Variants in CTIF observed in about 807,000 individuals in gnomAD.
The protein encoded by CTIF is cap binding complex dependent translation initiation factor.
In CTIF, 21 loss-of-function variants were observed where a neutral mutation model predicts 66.0. The ratio of observed to expected loss-of-function variants is 0.32; its 90% CI spans 0.23 to 0.46. CTIF has a LOEUF of 0.46. Among genes scored for constraint, CTIF ranks in the 20% least tolerant of loss-of-function variants. CTIF has a pLI of 1.00. For synonymous variants in CTIF, 345 were observed against 326.4 expected (o/e 1.06, Z -0.62); for missense variants, 739 against 812.7 (o/e 0.91, Z 1.10).
chr18:48,647,723 G>A (rs2091072804), intron 3 of CTIF, among the ~76,000 whole-genome samples: 1 of 152,234 alleles, frequency 6.6e-6, no homozygotes, highest in Non-Finnish European at 1.5e-5. Flanking sequence ...ACTGTTTTTA[G>A]GGGGCAAGGG....
chr18:48,746,772 C>T (rs928359627), intron 7 of CTIF, among the ~76,000 whole-genome samples: 2 of 152,008 alleles, frequency 1.3e-5, no homozygotes, highest in African/African-American at 4.8e-5. Flanking sequence ...AGCTGAGTTC[C>T]CCTGCAGTCT....
At position 48,730,511 on chromosome 18, in the gene CTIF, TTCTGCGGTGTGAGGGGCC is replaced by T. The variant is rs1598940233; in HGVS notation, c.584+18817_584+18834del. ...GAGGGGCTTCTGCGGTGTGAGGGGCTTCTGCGGTGTGAGGGGCCCCTGTGGTGTGAGGGGCTTCTGCTG... is the reference window on the plus strand; with the variant it reads ...GAGGGGCTTCTGCGGTGTGAGGGGCTCCTGTGGTGTGAGGGGCTTCTGCTG... On this transcript the variant is annotated intron_variant, in intron 7 of 11. Transcript: ENST00000256413. 1.6e-4 allele frequency among the ~76,000 whole-genome samples: 9 copies of T among 55,666 alleles called. 3 individuals are homozygous for T. Among genetic ancestry groups the T allele is most frequent in the South Asian group, 8.7e-4 (1 of 1,152 alleles). The allele number at this position is 55,666 out of a possible 152,430, so 36.5% of individuals were successfully genotyped here.
intron 6 of CTIF, among the ~76,000 whole-genome samples, chr18:48,698,050 A>C (rs192099774): frequency 1.2e-3 from 163 of 135,370 alleles, no homozygotes; most frequent in African/African-American, 4.4e-3. Context: ...ACTGCAGGGC[A>C]ACTCTCTACT....
intron 1 of CTIF, among the ~76,000 whole-genome samples, chr18:48,564,306 G>C (rs2089231761): frequency 6.6e-6 from 1 of 152,152 alleles, no homozygotes; most frequent in African/African-American, 2.4e-5. Context: ...GTGGGTGGTG[G>C]AGGGAGCTTC....
chr18:48,790,363 C>T lies in CTIF; in HGVS notation c.1372-26858C>T, dbSNP rs570500785. Among the ~76,000 whole-genome samples, 40 of 152,302 alleles carry T rather than the reference C, an allele frequency of 2.6e-4. No homozygotes were observed. In the South Asian group the frequency reaches 3.5e-3, roughly 13 times the overall value. ...AAAGGTCCATGGCAAGGAGTTACAG[C>T]GGTGCTTCTTGGGCCATGGGAGAAG... On this transcript the variant is annotated intron_variant, in intron 9 of 11. Coordinates refer to ENST00000256413, the MANE Select transcript of CTIF (RefSeq NM_014772.3).
intron 6 of CTIF, among the ~76,000 whole-genome samples, chr18:48,706,397 C>T (rs1405401936): frequency 1.3e-5 from 2 of 152,072 alleles, no homozygotes; most frequent in African/African-American, 4.8e-5. Context: ...GGAGGTGTGT[C>T]ACTCCTATCA....
intron 3 of CTIF, among the ~76,000 whole-genome samples, chr18:48,652,604 CA>C (rs2091177037): frequency 6.6e-6 from 1 of 151,600 alleles, no homozygotes; most frequent in Non-Finnish European, 1.5e-5. Flanking sequence ...AATCGAAAAA[CA>C]GGGAATCCTC....
rs2088563012 is a variant in CTIF, at chr18:48,539,828, C to T, written c.-29+516C>T. The T allele has an allele frequency of 3.3e-5, 5 of 152,558 alleles. No individual in the cohort carries two copies. In the South Asian group the frequency reaches 1.0e-3, roughly 32 times the overall value. 9.5% of individuals were successfully genotyped at this position (152,558 alleles called of 1,614,324 possible). ...TGCAGCTGTTCAGACCGCGCTCCGCCGAGGTAGGGAGCCCGTCTCGGGGTG... is the reference window on the plus strand; with the variant it reads ...TGCAGCTGTTCAGACCGCGCTCCGCTGAGGTAGGGAGCCCGTCTCGGGGTG... On this transcript the variant is annotated intron_variant, in intron 1 of 11. Coordinates refer to ENST00000256413, the MANE Select transcript of CTIF (RefSeq NM_014772.3).
In CTIF at chr18:48,663,778, C is replaced by T. The variant is rs1297567683; in HGVS notation, c.279C>T (p.Asp93=). 6 of 1,614,028 alleles carry T rather than the reference C, an allele frequency of 3.7e-6. No homozygotes were observed. In the African/African-American group the frequency reaches 6.7e-5, roughly 18 times the overall value. The change falls in exon 4 of 12, where the codon GAC becomes GAT. Residue 93 remains aspartate (D), a synonymous_variant. Coordinates refer to ENST00000256413, the MANE Select transcript of CTIF (RefSeq NM_014772.3). ...ATGGCAGCAAAGACAACTCTCTGGA[C>T]ATGCTGGGCACGGACATCTGGGCGG... ...QQNGSKDNSL[D]MLGTDIWAAN...
At chr18:48,657,977 A>G (rs913871805) in intron 3 of CTIF, among the ~76,000 whole-genome samples, 5 of 151,890 alleles carry the variant, frequency 3.3e-5, no homozygotes, top group Non-Finnish European at 7.4e-5. Flanking sequence ...TGGGAGAGAG[A>G]GGTGGGTCTG....
At chr18:48,814,682 C>G (rs2068325759) in intron 9 of CTIF, among the ~76,000 whole-genome samples, 1 of 152,204 alleles carries the variant, frequency 6.6e-6, no homozygotes, top group African/African-American at 2.4e-5. Context: ...TTGGCAGGCC[C>G]TGGGGTGGCA....
chr18:48,741,720 C>T (rs191438886), intron 7 of CTIF, among the ~76,000 whole-genome samples: 305 of 152,226 alleles, frequency 2.0e-3, no homozygotes, highest in African/African-American at 7.2e-3. Flanking sequence ...CCACCATGCC[C>T]GGCCGACCAA....
intron 3 of CTIF, among the ~76,000 whole-genome samples, chr18:48,645,977 A>G (rs1271166651): frequency 1.3e-5 from 2 of 152,244 alleles, no homozygotes; most frequent in Non-Finnish European, 2.9e-5. Context: ...ATGAGCTAAC[A>G]TGAAAATGTC....
At chr18:48,790,433 A>G (rs1268604262) in intron 9 of CTIF, among the ~76,000 whole-genome samples, 4 of 152,216 alleles carry the variant, frequency 2.6e-5, no homozygotes, top group Non-Finnish European at 5.9e-5. Context: ...GGGCTAAGGG[A>G]CAGCCAGCAG....
At position 48,663,960 on chromosome 18, in the gene CTIF, G is replaced by A. The variant is rs927133917; in HGVS notation, c.326+135G>A. 7.1e-6 allele frequency: 6 copies of A among 843,206 alleles called. No individual in the cohort carries two copies. In the African/African-American group the frequency reaches 8.3e-5, roughly 12 times the overall value. 52.2% of individuals were successfully genotyped at this position (843,206 alleles called of 1,614,324 possible). The stretch of plus-strand genomic sequence containing the variant: ...CAGAGTAGGGGATGTAGGAAGGATG[G>A]GGTGGAAAGAAGGCCGGAGAGAGGA... On this transcript the variant is annotated intron_variant, in intron 4 of 11. Transcript: ENST00000256413.
chr18:48,740,762 C>T (rs936645676), intron 7 of CTIF, among the ~76,000 whole-genome samples: 7 of 152,168 alleles, frequency 4.6e-5, no homozygotes, highest in African/African-American at 1.7e-4. Flanking sequence ...GAGTGGACTC[C>T]AGCTCCTGGG....
At chr18:48,709,514 G>C (rs539817428) in intron 6 of CTIF, among the ~76,000 whole-genome samples, 1 of 152,352 alleles carries the variant, frequency 6.6e-6, no homozygotes, top group African/African-American at 2.4e-5. Context: ...GTTACACTAG[G>C]GGCTATGGCC....
intron 5 of CTIF, among the ~76,000 whole-genome samples, chr18:48,667,702 G>A (rs2091460169): frequency 1.3e-5 from 2 of 152,322 alleles, no homozygotes; most frequent in African/African-American, 4.8e-5. Context: ...GTCACCAGCT[G>A]TGGGCCTAAA....
At chr18:48,787,688 C>T (rs1456854613) in intron 9 of CTIF, among the ~76,000 whole-genome samples, 3 of 152,204 alleles carry the variant, frequency 2.0e-5, no homozygotes, top group African/African-American at 7.2e-5. Context: ...TCACGCATTC[C>T]ATCTCCCAGA....
Sources: gnomAD v4.1 joint callset for allele counts (sites outside exome capture counted in the v4.1 genomes callset) on GRCh38, gnomAD v4.1.1 for gene constraint, MANE v1.5 for transcripts, NCBI Gene and HGNC (gene_info 2026-07-23, HGNC 2026-07-21) for gene names.